The following TRIM37 variants were observed in gnomAD, a reference collection of about 807,000 sequenced individuals.
TRIM37 encodes tripartite motif containing 37.
Under a neutral mutation model 129.8 loss-of-function variants are expected in TRIM37, and 80 were observed. The observed-to-expected ratio is 0.62, with a 90% CI of 0.51 to 0.74. The LOEUF (loss-of-function observed/expected upper bound fraction) is 0.74. Among genes scored for constraint, TRIM37 ranks in the 30% least tolerant of loss-of-function variants. The pLI, the probability that TRIM37 is intolerant of heterozygous loss-of-function variation, is 0.00. For synonymous variants in TRIM37, 389 were observed against 387.1 expected, an observed-to-expected ratio of 1.00 and a Z score of -0.06; for missense variants, 1,054 against 1,176.5, an observed-to-expected ratio of 0.90 and a Z score of 1.52.
chr17:59,071,990 T>C (rs1205252226), intron 8 of TRIM37, among the ~76,000 whole-genome samples: 1 of 152,214 alleles, frequency 6.6e-6, no homozygotes, highest in Non-Finnish European at 1.5e-5. Flanking sequence ...TCCTCCATAA[T>C]TTATATACTG....
the TRIM37 span, among the ~76,000 whole-genome samples, chr17:58,975,738 C>T: frequency 6.6e-6 from 1 of 152,146 alleles, no homozygotes; most frequent in Admixed American, 6.5e-5. Context: ...GCTAAGTAGT[C>T]TGGACTTTAC....
chr17:59,071,796 A>G (rs2042395329), intron 8 of TRIM37, among the ~76,000 whole-genome samples: 1 of 152,206 alleles, frequency 6.6e-6, no homozygotes. Flanking sequence ...CTTCAAAAAA[A>G]CCAGTTTGAA....
At chr17:59,071,779 AT>A (rs2042394202) in intron 8 of TRIM37, among the ~76,000 whole-genome samples, 1 of 152,050 alleles carries the variant, frequency 6.6e-6, no homozygotes, top group Non-Finnish European at 1.5e-5. Flanking sequence ...AAGACTACTA[AT>A]TTTTTCTTCA....
At position 59,015,628 on chromosome 17, in the gene TRIM37, C is replaced by A. The variant is rs1278040889; in HGVS notation, c.2558G>T (p.Arg853Met). Residue 853 changes from arginine to methionine, a missense_variant, in exon 21 of 24, where the codon AGG becomes ATG. Arg to Met is a moderately conservative substitution (Grantham distance 91, BLOSUM62 -1). This residue lies in a region of TRIM37 where 287 missense variants were observed against 274.3 expected (regional missense o/e 1.05). Coordinates refer to ENST00000262294, the MANE Select transcript of TRIM37 (RefSeq NM_015294.6). ...FSGLPAVEKR[R>M]KMVTLGANAK... is the part of the protein sequence containing the mutation. ...AATTTACCCCAAGGTGACCATTTTC[C>A]TCCTTTTCTCAACCGCAGGCAAGCC... 6.2e-7 allele frequency: 1 copy of A among 1,614,066 alleles called. No individual in the cohort carries two copies. The highest frequency in any genetic ancestry group is 1.1e-5 in the South Asian group (1 of 91,072).
At chr17:59,081,039 ATAT>A in intron 6 of TRIM37, 55 bp downstream of exon 6, 3 of 954,970 alleles carry the variant, frequency 3.1e-6, no homozygotes, top group Non-Finnish European at 4.1e-6. Flanking sequence ...TTATATAAAT[ATAT>A]TATTATATAT....
chr17:59,080,728 T>C (rs1297237013), intron 6 of TRIM37, among the ~76,000 whole-genome samples: 1 of 151,790 alleles, frequency 6.6e-6, no homozygotes, highest in Non-Finnish European at 1.5e-5. Context: ...GAGGTGGAGG[T>C]TGTAGTGAGC....
Position 59,015,677 on chromosome 17 carries a change from C to G in TRIM37, c.2509G>C (p.Ala837Pro). The part of the protein sequence containing the change: ...DRQCKALDSD[A>P]VVVAVFSGLP... Reference sequence around the variant, plus strand: ...CCACTGAAAACTGCAACCACAACAGCATCTGAATCCAAAGCTTTACACTGC... The same window carrying G: ...CCACTGAAAACTGCAACCACAACAGGATCTGAATCCAAAGCTTTACACTGC... The change falls in exon 21 of 24, where the codon GCT becomes CCT. Residue 837 changes from alanine (A) to proline (P), a missense_variant. Ala to Pro is a conservative substitution (Grantham distance 27). Coordinates refer to ENST00000262294, the MANE Select transcript of TRIM37 (RefSeq NM_015294.6). 3 of 1,614,160 alleles carry G rather than the reference C, an allele frequency of 1.9e-6. No homozygotes were observed. The highest frequency in any genetic ancestry group is 2.5e-6 in the Non-Finnish European group (3 of 1,180,030).
At chr17:59,012,178 C>G (rs2035337209) in intron 22 of TRIM37, 150 bp downstream of exon 22, 2 of 689,772 alleles carry the variant, frequency 2.9e-6, no homozygotes, top group East Asian at 5.4e-5. Flanking sequence ...AGTAACATTT[C>G]CATTAAACCA....
At chr17:59,013,582 G>A (rs1467992181) in intron 21 of TRIM37, among the ~76,000 whole-genome samples, 1 of 152,210 alleles carries the variant, frequency 6.6e-6, no homozygotes, top group Non-Finnish European at 1.5e-5. Context: ...ATGAATATGT[G>A]TGGGCAGGGG....
rs746251446 is a variant in TRIM37 at position 59,056,964 on chromosome 17, T to G, written c.1110A>C (p.Gly370=). The G allele has an allele frequency of 8.1e-6, 13 of 1,613,824 alleles. No individual in the cohort carries two copies. Among genetic ancestry groups the G allele is most frequent in the Non-Finnish European group, 1.1e-5 (13 of 1,179,884 alleles). The part of the protein sequence containing the change: ...IREFASDFEV[G]ECWGYNRFFR... ...AAAATCTATTATAGCCCCAGCATTC[T>G]CCAACTTCAAAGTCAGATGCAAATT... Residue 370 remains glycine (G), a synonymous_variant, in exon 13 of 24, where the codon GGA becomes GGC. Transcript: ENST00000262294.
At position 59,049,279 on chromosome 17, in the gene TRIM37, A is replaced by C. The variant is rs775537054; in HGVS notation, c.1429T>G (p.Cys477Gly). Residue 477 changes from cysteine (C) to glycine (G), a missense_variant, in exon 15 of 24, where the codon TGC (cysteine) becomes GGC (glycine). Coordinates refer to ENST00000262294, the MANE Select transcript of TRIM37 (RefSeq NM_015294.6). ...ALETRAKKSA[C>G]SDMLLEGGPT... is the part of the protein sequence containing the mutation. The stretch of plus-strand genomic sequence containing the variant: ...CCACCTTCGAGAAGCATGTCAGAGC[A>C]TGCAGACTTCTTAGCTCGTGTCTCC... The C allele has an allele frequency of 1.9e-6, 3 of 1,614,204 alleles. No homozygotes were observed. The highest frequency in any genetic ancestry group is 2.2e-5 in the South Asian group (2 of 91,086).
chr17:59,044,779 C>T (rs141169350), intron 16 of TRIM37, among the ~76,000 whole-genome samples: 2 of 152,232 alleles, frequency 1.3e-5, no homozygotes, highest in African/African-American at 4.8e-5. Context: ...CTTGAGCATC[C>T]TCAGATTTTA....
At chr17:59,041,353 C>A (rs999709612) in intron 17 of TRIM37, among the ~76,000 whole-genome samples, 46 of 152,208 alleles carry the variant, frequency 3.0e-4, no homozygotes, top group Non-Finnish European at 4.9e-4. Context: ...TCTTTAAGAT[C>A]CTTCGTAAGT....
intron 20 of TRIM37, among the ~76,000 whole-genome samples, chr17:59,016,581 A>C (rs2035969704): frequency 8.3e-6 from 1 of 119,820 alleles, no homozygotes; most frequent in Non-Finnish European, 1.6e-5. Flanking sequence ...TGGACAATGT[A>C]GCAAAACCCT....
chr17:58,994,589 A>T (rs1488356513), downstream of TRIM37, among the ~76,000 whole-genome samples: 1 of 152,078 alleles, frequency 6.6e-6, no homozygotes. Context: ...TCAAAACCCA[A>T]AACAAAGTAT....
intron 2 of TRIM37, among the ~76,000 whole-genome samples, chr17:59,095,206 A>T (rs2044738686): frequency 6.6e-6 from 1 of 151,860 alleles, no homozygotes; most frequent in African/African-American, 2.4e-5. Flanking sequence ...ACAGAGCAAG[A>T]CTCGGTCTCT....
chr17:59,024,378 G>C (rs2036993320), intron 19 of TRIM37, among the ~76,000 whole-genome samples: 1 of 152,020 alleles, frequency 6.6e-6, no homozygotes, highest in Non-Finnish European at 1.5e-5. Flanking sequence ...ATTGAGAAAT[G>C]AATTTAACAA....
At position 59,092,597 on chromosome 17, in the gene TRIM37, T is replaced by C. The variant is rs543407940; in HGVS notation, c.124-1257A>G. 1.1e-4 allele frequency among the ~76,000 whole-genome samples: 17 copies of C among 152,196 alleles called. No individual in the cohort carries two copies. The South Asian group carries it at 3.1e-3, about 28-fold the overall frequency. On this transcript the variant is annotated intron_variant, in intron 2 of 23. Transcript: ENST00000262294. ...GGAGATGTTAAGATTTTCTGACTAG[T>C]TTTCAGGAAACAACAGGTTTATAAT...
Position 59,012,418 on chromosome 17 carries a change from C to G in TRIM37, c.2605G>C (p.Gly869Arg). 1.2e-6 allele frequency: 2 copies of G among 1,610,632 alleles called. No individual in the cohort carries two copies. The highest frequency in any genetic ancestry group is 1.7e-6 in the Non-Finnish European group (2 of 1,179,188). Residue 869 changes from glycine (G) to arginine (R), a missense_variant, in exon 22 of 24, where the codon GGA becomes CGA. Around this residue, in one of 3 missense-constraint regions of TRIM37, gnomAD observed 287 missense variants for 274.3 expected, o/e 1.05. Transcript: ENST00000262294. ...TTTTCCAAATCAGTCATCTGCAGTCCTTCCAGATGACCTCCTTTAGCATTA... is the reference window on the plus strand; with the variant it reads ...TTTTCCAAATCAGTCATCTGCAGTCGTTCCAGATGACCTCCTTTAGCATTA... ...GANAKGGHLE[G>R]LQMTDLENNS...
Sources: gnomAD v4.1 joint callset for allele counts (sites outside exome capture counted in the v4.1 genomes callset) on GRCh38, gnomAD v4.1.1 for gene constraint, gnomAD v4.1.1 regional missense constraint, MANE v1.5 for transcripts, NCBI Gene and HGNC (gene_info 2026-07-23, HGNC 2026-07-21) for gene names.